DIAPH3: variants seen among roughly 807,000 people sequenced by gnomAD.
The protein encoded by DIAPH3 is diaphanous related formin 3.
In DIAPH3, 117 loss-of-function variants were observed where a neutral mutation model predicts 144.3. That is an observed-to-expected ratio of 0.81 (90% CI 0.70 to 0.95). The LOEUF (loss-of-function observed/expected upper bound fraction) is 0.95. Among genes scored for constraint, DIAPH3 ranks in the 40% least tolerant of loss-of-function variants. The probability of loss-of-function intolerance (pLI) is 0.00; values close to 1 mark genes in which losing one functional copy is unlikely to be tolerated. For synonymous variants in DIAPH3, 519 were observed against 488.9 expected (o/e 1.06, Z -0.81); for missense variants, 1,421 against 1,412.7 (o/e 1.01, Z -0.09).
At chr13:59,799,795 TA>T (rs2039808945) in intron 25 of DIAPH3, among the ~76,000 whole-genome samples, 1 of 152,218 alleles carries the variant, frequency 6.6e-6, no homozygotes, top group Non-Finnish European at 1.5e-5. Context: ...TAATTTTGAT[TA>T]AAGGTTTTAT....
At chr13:59,877,576 CAT>C (rs1219915883) in intron 21 of DIAPH3, among the ~76,000 whole-genome samples, 1 of 152,100 alleles carries the variant, frequency 6.6e-6, no homozygotes, top group Non-Finnish European at 1.5e-5. Context: ...ATTAAGTAGC[CAT>C]ATATGTTTCA....
intron 4 of DIAPH3, among the ~76,000 whole-genome samples, chr13:60,074,362 T>C (rs543627126): frequency 6.6e-6 from 1 of 152,200 alleles, no homozygotes; most frequent in Non-Finnish European, 1.5e-5. Flanking sequence ...TGGATTATTT[T>C]AGGCTAAAAT....
At chr13:59,795,150 A>T (rs2039524414) in intron 25 of DIAPH3, among the ~76,000 whole-genome samples, 1 of 152,238 alleles carries the variant, frequency 6.6e-6, no homozygotes. Context: ...CGAAAGCTTC[A>T]GATTAAGAAT....
chr13:60,161,641 A>G (rs1366376590), intron 1 of DIAPH3, among the ~76,000 whole-genome samples: 1 of 152,250 alleles, frequency 6.6e-6, no homozygotes, highest in Non-Finnish European at 1.5e-5. Context: ...AAGATAAAGC[A>G]ATGAGCTTAC....
chr13:59,686,142 T>C (rs547922633), intron 27 of DIAPH3, among the ~76,000 whole-genome samples: 5 of 152,076 alleles, frequency 3.3e-5, no homozygotes, highest in Non-Finnish European at 7.4e-5. Context: ...TTGAAAATAA[T>C]GTTATAAATA....
At chr13:59,850,292 C>T (rs1354435032) in intron 22 of DIAPH3, among the ~76,000 whole-genome samples, 11 of 149,644 alleles carry the variant, frequency 7.4e-5, no homozygotes, top group Admixed American at 7.3e-4. Flanking sequence ...TCCTCTTTTC[C>T]TAATTGAATA....
At chr13:60,084,597 C>T (rs1028401828) in intron 4 of DIAPH3, among the ~76,000 whole-genome samples, 2 of 151,008 alleles carry the variant, frequency 1.3e-5, no homozygotes, top group East Asian at 3.9e-4. Flanking sequence ...AGCAGTTTCC[C>T]AAGGAAAAAA....
chr13:59,843,556 C>T (rs1009102301), intron 22 of DIAPH3, among the ~76,000 whole-genome samples: 6 of 152,146 alleles, frequency 3.9e-5, no homozygotes, highest in Admixed American at 6.5e-5. Flanking sequence ...GATCTCACCG[C>T]GTATTTTTAC....
chr13:60,042,080 A>G (rs1464604313), intron 5 of DIAPH3, among the ~76,000 whole-genome samples: 1 of 152,136 alleles, frequency 6.6e-6, no homozygotes, highest in African/African-American at 2.4e-5. Context: ...AATTTTGTTC[A>G]CAACTATTTC....
intron 7 of DIAPH3, chr13:60,013,343 T>C (rs1010151277): frequency 2.9e-6 from 1 of 342,048 alleles, no homozygotes; most frequent in Non-Finnish European, 4.1e-6. Context: ...GCACACAGCA[T>C]GACTACTAGT....
chr13:59,700,696 A>C (rs1429508836), intron 27 of DIAPH3, among the ~76,000 whole-genome samples: 1 of 152,174 alleles, frequency 6.6e-6, no homozygotes, highest in Non-Finnish European at 1.5e-5. Flanking sequence ...CCTGACCCAC[A>C]CTGGACTTCA....
intron 5 of DIAPH3, among the ~76,000 whole-genome samples, chr13:60,023,602 T>G (rs1179418166): frequency 6.7e-6 from 1 of 150,282 alleles, no homozygotes; most frequent in Non-Finnish European, 1.5e-5. Flanking sequence ...CCTGGCTAAT[T>G]TTTGTATTTT....
At chr13:59,856,048 A>C (rs2043235953) in intron 22 of DIAPH3, among the ~76,000 whole-genome samples, 2 of 152,154 alleles carry the variant, frequency 1.3e-5, no homozygotes, top group South Asian at 4.1e-4. Context: ...GAATATATTT[A>C]TTTAAAATGC....
intron 23 of DIAPH3, among the ~76,000 whole-genome samples, chr13:59,837,173 T>C (rs1243590835): frequency 2.0e-5 from 3 of 152,070 alleles, no homozygotes; most frequent in Non-Finnish European, 4.4e-5. Context: ...AAGAGATACA[T>C]GAATGCTAAT....
chr13:59,771,110 G>A (rs429305), intron 27 of DIAPH3, among the ~76,000 whole-genome samples: 99,175 of 151,840 alleles, frequency 0.65, 32,866 homozygotes, highest in East Asian at 0.72. Context: ...TAGCCCCAAC[G>A]TCCAGGAGGA....
chr13:59,895,089 AT>A (rs1827797044), intron 20 of DIAPH3, among the ~76,000 whole-genome samples: 1 of 152,194 alleles, frequency 6.6e-6, no homozygotes, highest in Non-Finnish European at 1.5e-5. Flanking sequence ...AGTTTTGACT[AT>A]TTAATGCATA....
At chr13:59,787,357 A>G (rs1046965692) in intron 25 of DIAPH3, among the ~76,000 whole-genome samples, 1 of 152,222 alleles carries the variant, frequency 6.6e-6, no homozygotes, top group African/African-American at 2.4e-5. Flanking sequence ...ATGGAAAAGT[A>G]TATTTTCAGT....
intron 25 of DIAPH3, among the ~76,000 whole-genome samples, chr13:59,803,820 GTTAA>G (rs2139500917): frequency 6.6e-6 from 1 of 152,256 alleles, no homozygotes; most frequent in East Asian, 1.9e-4. Context: ...AAGCTGCCTA[GTTAA>G]CTGACAGAGA....
rs759529655 is a variant in DIAPH3 at position 60,131,305 on chromosome 13, GCATGCCTGTAAT to G, written c.213+1640_213+1651del. On this transcript the variant is annotated intron_variant, in intron 2 of 27. Coordinates refer to ENST00000400324, the MANE Select transcript of DIAPH3 (RefSeq NM_001042517.2). ...TTCAAAATTAGCTAGGTGAGGTGGT[GCATGCCTGTAAT>G]CCCCGCTACTCAGGAGGCTGATGTG... Among the ~76,000 whole-genome samples, 99 of 151,598 alleles carry G rather than the reference GCATGCCTGTAAT, an allele frequency of 6.5e-4. 1 individual carries two copies. The highest frequency in any genetic ancestry group is 9.2e-4 in the Admixed American group (14 of 15,228).
Sources: allele counts gnomAD v4.1 joint callset (sites outside exome capture counted in the v4.1 genomes callset), GRCh38; gene constraint gnomAD v4.1.1; transcripts MANE v1.5; gene names NCBI Gene and HGNC (gene_info 2026-07-23, HGNC 2026-07-21).